The following INSYN2B variants were observed in gnomAD, a reference collection of about 807,000 sequenced individuals.
The protein encoded by INSYN2B is inhibitory synaptic factor family member 2B.
In INSYN2B, 16 loss-of-function variants were observed where a neutral mutation model predicts 41.2. The ratio of observed to expected loss-of-function variants is 0.39; its 90% CI spans 0.26 to 0.59. The LOEUF is 0.59. Ranked by LOEUF, INSYN2B falls within the 20% of genes least tolerant of loss-of-function variation. The pLI, the probability that INSYN2B is intolerant of heterozygous loss-of-function variation, is 0.57. For missense variants in INSYN2B, 608 were observed against 646.4 expected (o/e 0.94, Z 0.64); for synonymous variants, 245 against 244.4 (o/e 1.00, Z -0.02).
At chr5:169,934,808 T>C (rs1439227348) in intron 1 of INSYN2B, 4 of 438,494 alleles carry the variant, frequency 9.1e-6, no homozygotes, top group African/African-American at 2.0e-5. Flanking sequence ...ATTATCTGTA[T>C]GATAAATTGA....
In INSYN2B at chr5:169,883,980, T is replaced by C; in HGVS notation, c.-82A>G. 1 of 1,300,186 alleles carries C rather than the reference T, an allele frequency of 7.7e-7. No individual in the cohort carries two copies. The highest frequency in any genetic ancestry group is 1.0e-6 in the Non-Finnish European group (1 of 984,478). The allele number at this position is 1,300,186 out of a possible 1,614,324, so 80.5% of individuals were successfully genotyped here. ...AGGTCTTTGGAGCAGTATCTAATGA[T>C]AGTATTTCAATCATAGAGAACTGCT... is the stretch of plus-strand genomic sequence containing the variant. On this transcript the variant is annotated 5_prime_UTR_variant, in exon 2 of 4. Coordinates refer to ENST00000377365, the MANE Select transcript of INSYN2B (RefSeq NM_001129891.3).
At chr5:169,966,823 C>A (rs900447792) in intron 1 of INSYN2B, among the ~76,000 whole-genome samples, 1 of 152,192 alleles carries the variant, frequency 6.6e-6, no homozygotes, top group Non-Finnish European at 1.5e-5. Flanking sequence ...AGCCATCATG[C>A]AATGAGGAGG....
At chr5:169,895,466 T>C (rs544233144) in intron 1 of INSYN2B, among the ~76,000 whole-genome samples, 5 of 152,224 alleles carry the variant, frequency 3.3e-5, no homozygotes, top group Admixed American at 6.5e-5. Context: ...CCTAACCACC[T>C]ATACTCACCT....
intron 1 of INSYN2B, among the ~76,000 whole-genome samples, chr5:169,937,786 G>T (rs1036165096): frequency 1.3e-5 from 2 of 152,212 alleles, no homozygotes; most frequent in Non-Finnish European, 2.9e-5. Flanking sequence ...GGTCCTCATT[G>T]TCCCTGGACC....
At chr5:169,957,101 G>T (rs561071705) in intron 1 of INSYN2B, among the ~76,000 whole-genome samples, 1 of 152,100 alleles carries the variant, frequency 6.6e-6, no homozygotes, top group Non-Finnish European at 1.5e-5. Flanking sequence ...TTTGTACTTT[G>T]CAGTAATAAG....
intron 3 of INSYN2B, among the ~76,000 whole-genome samples, chr5:169,866,946 T>C (rs1397435112): frequency 3.3e-5 from 5 of 152,154 alleles, no homozygotes; most frequent in African/African-American, 4.8e-5. Flanking sequence ...ATTCCATAGA[T>C]TGGGGGCTCA....
rs982679713 is a variant in INSYN2B at position 169,883,526 on chromosome 5, G to A, written c.373C>T (p.Pro125Ser). The part of the protein sequence containing the change: ...LTASKSLVEM[P>S]TASQSAIQVN... ...TGGATGGCACTTTGGGAGGCTGTTGGCATTTCCACCAGGGACTTACTGGCT... is the reference window on the plus strand; with the variant it reads ...TGGATGGCACTTTGGGAGGCTGTTGACATTTCCACCAGGGACTTACTGGCT... The change falls in exon 2 of 4, where the codon CCA (proline) becomes TCA (serine). Residue 125 changes from proline (P) to serine (S), a missense_variant. Pro to Ser is a moderately conservative substitution (Grantham distance 74, BLOSUM62 -1). Coordinates refer to ENST00000377365, the MANE Select transcript of INSYN2B (RefSeq NM_001129891.3). 6.4e-7 allele frequency: 1 copy of A among 1,551,630 alleles called. No homozygotes were observed. The highest frequency in any genetic ancestry group is 8.7e-7 in the Non-Finnish European group (1 of 1,146,948).
intron 1 of INSYN2B, among the ~76,000 whole-genome samples, chr5:169,961,887 G>C (rs549978787): frequency 2.4e-4 from 35 of 147,430 alleles, no homozygotes; most frequent in Non-Finnish European, 3.6e-4. Flanking sequence ...GCTGAGGCAG[G>C]AGAATCACTT....
intron 1 of INSYN2B, among the ~76,000 whole-genome samples, chr5:169,955,486 G>A (rs926597086): frequency 2.6e-5 from 4 of 152,266 alleles, no homozygotes; most frequent in South Asian, 2.1e-4. Flanking sequence ...GCCAGTTTGC[G>A]GCTTCTACCT....
chr5:169,978,033 C>A (rs948602840), intron 1 of INSYN2B, among the ~76,000 whole-genome samples: 2 of 152,196 alleles, frequency 1.3e-5, no homozygotes, highest in Non-Finnish European at 2.9e-5. Flanking sequence ...TTTCATCTGT[C>A]TCTGAGCCTC....
intron 1 of INSYN2B, among the ~76,000 whole-genome samples, chr5:169,968,394 A>G (rs1232780354): frequency 6.6e-6 from 1 of 152,162 alleles, no homozygotes; most frequent in Non-Finnish European, 1.5e-5. Context: ...TGTGTCAGGC[A>G]TTGAGGATAC....
Position 169,882,753 on chromosome 5 carries a change from A to T in INSYN2B, c.1146T>A (p.Ser382=), listed in dbSNP as rs1428214503. 6.4e-7 allele frequency: 1 copy of T among 1,551,698 alleles called. No individual in the cohort carries two copies. The highest frequency in any genetic ancestry group is 1.7e-4 in the Middle Eastern group (1 of 5,990). The part of the protein sequence containing the change: ...NCPGSNHLPS[S]LSRSETKLQS... The stretch of plus-strand genomic sequence containing the variant: ...GAAGTTTGGTCTCACTCCTTGAAAG[A>T]GAGGATGGGAGATGATTACTTCCTG... Residue 382 remains serine (S), a synonymous_variant, in exon 2 of 4, where the codon TCT becomes TCA. Transcript: ENST00000377365.
chr5:169,968,322 A>G (rs1405671777), intron 1 of INSYN2B, among the ~76,000 whole-genome samples: 1 of 152,154 alleles, frequency 6.6e-6, no homozygotes, highest in Non-Finnish European at 1.5e-5. Flanking sequence ...CAGTCCTTTT[A>G]ACCTCTTTGA....
chr5:169,935,292 C>T (rs957230268), intron 1 of INSYN2B, among the ~76,000 whole-genome samples: 1 of 152,172 alleles, frequency 6.6e-6, no homozygotes, highest in Non-Finnish European at 1.5e-5. Flanking sequence ...AAAGCTTTAA[C>T]TCGACCAAAA....
At chr5:169,879,865 T>C (rs1772535891) in intron 3 of INSYN2B, among the ~76,000 whole-genome samples, 2 of 152,166 alleles carry the variant, frequency 1.3e-5, no homozygotes, top group Admixed American at 6.5e-5. Flanking sequence ...TTTTTACTTA[T>C]ATAGGCCAAA....
At chr5:169,886,103 T>C (rs550382462) in intron 1 of INSYN2B, among the ~76,000 whole-genome samples, 1 of 152,302 alleles carries the variant, frequency 6.6e-6, no homozygotes, top group East Asian at 1.9e-4. Context: ...GTGATCTGCA[T>C]CTCTCTTTAT....
rs1051774712 is a variant in INSYN2B, at chr5:169,978,397, G to C, written c.-919+1880C>G. 7.7e-5 allele frequency among the ~76,000 whole-genome samples: 11 copies of C among 143,782 alleles called. 2 individuals carry two copies. Among genetic ancestry groups the C allele is most frequent in the Admixed American group, 2.8e-4 (4 of 14,542 alleles). The allele number at this position is 143,782 out of a possible 152,430, so 94.3% of individuals were successfully genotyped here. A position where few individuals can be genotyped will look rare whatever the true frequency, so the allele number is the denominator to read the frequency against. On this transcript the variant is annotated intron_variant, in intron 1 of 3. Transcript: ENST00000377365. ...TGTATGTGTGTGTGTGTGTGTGGGG[G>C]GGGGGGGGTGTAGGTGTGTTTGCAT...
intron 1 of INSYN2B, among the ~76,000 whole-genome samples, chr5:169,931,496 G>T (rs1775751980): frequency 6.6e-6 from 1 of 152,240 alleles, no homozygotes; most frequent in South Asian, 2.1e-4. Flanking sequence ...ATTAGATGTG[G>T]TTATTTTATG....
chr5:169,915,993 GA>G (rs1478817964), intron 1 of INSYN2B, among the ~76,000 whole-genome samples: 7 of 152,182 alleles, frequency 4.6e-5, no homozygotes. Flanking sequence ...CACTAGACCA[GA>G]AATATTACAA....
Sources: allele counts gnomAD v4.1 joint callset (sites outside exome capture counted in the v4.1 genomes callset), GRCh38; gene constraint gnomAD v4.1.1; transcripts MANE v1.5; gene names NCBI Gene and HGNC (gene_info 2026-07-23, HGNC 2026-07-21).